The following PLXNA2 variants were observed in gnomAD, a reference collection of about 807,000 sequenced individuals.
The protein encoded by PLXNA2 is plexin-A2.
Under a neutral mutation model 193.5 loss-of-function variants are expected in PLXNA2, and 91 were observed. The observed-to-expected ratio is 0.47, with a 90% confidence interval of 0.40 to 0.56. The LOEUF (loss-of-function observed/expected upper bound fraction) is 0.56, where lower values mean the gene tolerates loss of function less well. Ranked by LOEUF, PLXNA2 falls within the 20% of genes least tolerant of loss-of-function variation. The pLI, the probability that PLXNA2 is intolerant of heterozygous loss-of-function variation, is 0.00. For missense variants in PLXNA2, 1,995 were observed against 2,503.2 expected (o/e 0.80, Z 4.33); for synonymous variants, 997 against 1,027.3 (o/e 0.97, Z 0.56).
At chr1:208,223,687 T>C (rs1671421130) in intron 1 of PLXNA2, among the ~76,000 whole-genome samples, 2 of 152,148 alleles carry the variant, frequency 1.3e-5, no homozygotes, top group Non-Finnish European at 2.9e-5. Context: ...GGCTATGGTG[T>C]CCTCTGCCAC....
chr1:208,080,093 C>T (rs535410448), intron 11 of PLXNA2, among the ~76,000 whole-genome samples: 1 of 152,132 alleles, frequency 6.6e-6, no homozygotes, highest in African/African-American at 2.4e-5. Context: ...AATGGTAGGT[C>T]CTGAGAAGTG....
At chr1:208,063,367 C>A (rs1665678043) in intron 12 of PLXNA2, among the ~76,000 whole-genome samples, 1 of 152,166 alleles carries the variant, frequency 6.6e-6, no homozygotes, top group Non-Finnish European at 1.5e-5. Context: ...GACACATGGT[C>A]GTGGGCACTG....
At chr1:208,050,869 A>C (rs1320292188) in intron 17 of PLXNA2, 140 bp downstream of exon 17, 1 of 645,940 alleles carries the variant, frequency 1.5e-6, no homozygotes, top group Non-Finnish European at 2.8e-6. Context: ...TTGGACCATG[A>C]TTCCAGGCTC....
At chr1:208,225,961 C>T (rs922216578) in intron 1 of PLXNA2, among the ~76,000 whole-genome samples, 1 of 152,218 alleles carries the variant, frequency 6.6e-6, no homozygotes, top group African/African-American at 2.4e-5. Flanking sequence ...CAAACTAATA[C>T]AACAGGGAGG....
rs562991212 is a variant in PLXNA2, at chr1:208,118,115, G to T, written c.1507-14868C>A. Among the ~76,000 whole-genome samples, 30 of 152,336 alleles carry T rather than the reference G, an allele frequency of 2.0e-4. 1 individual carries two copies. The highest frequency in any genetic ancestry group is 3.4e-3 in the Middle Eastern group (1 of 294). On this transcript the variant is annotated intron_variant, in intron 4 of 31. Transcript: ENST00000367033. ...GGGCACGATGATGTTAAGGACTGCT[G>T]TTCCTCACTAGCATATTGTCATGAG...
At chr1:208,167,543 C>T (rs1050721355) in intron 3 of PLXNA2, among the ~76,000 whole-genome samples, 3 of 152,182 alleles carry the variant, frequency 2.0e-5, no homozygotes, top group Admixed American at 1.3e-4. Flanking sequence ...GCAAGGAGCA[C>T]GTCTCCTGAA....
At chr1:208,129,685 C>G (rs571473934) in intron 4 of PLXNA2, among the ~76,000 whole-genome samples, 4 of 152,218 alleles carry the variant, frequency 2.6e-5, no homozygotes, top group Non-Finnish European at 5.9e-5. Flanking sequence ...TCCAGGAAGC[C>G]TTCCTTGACT....
At chr1:208,030,347 C>T in intron 29 of PLXNA2, 2 of 985,608 alleles carry the variant, frequency 2.0e-6, no homozygotes, top group Non-Finnish European at 2.4e-6. Context: ...ACACAGAAGG[C>T]ACAGAGATGC....
chr1:208,209,507 T>C (rs898143276), intron 3 of PLXNA2, among the ~76,000 whole-genome samples: 13 of 152,142 alleles, frequency 8.5e-5, no homozygotes, highest in African/African-American at 3.1e-4. Context: ...GCTGCTCTAA[T>C]CCCACATAAT....
chr1:208,063,911 T>C (rs1445160534), intron 12 of PLXNA2, among the ~76,000 whole-genome samples: 1 of 152,154 alleles, frequency 6.6e-6, no homozygotes, highest in Non-Finnish European at 1.5e-5. Context: ...TCCACAGCCA[T>C]ATATCCAATT....
At chr1:208,060,628 G>A (rs1236841875) in intron 13 of PLXNA2, 58 bp downstream of exon 13, 2 of 1,486,224 alleles carry the variant, frequency 1.3e-6, no homozygotes, top group Non-Finnish European at 1.8e-6. Flanking sequence ...AGAGGGGAGA[G>A]TCTCCAGTCT....
intron 4 of PLXNA2, 118 bp from the exon 5 acceptor site, chr1:208,103,365 C>A: frequency 1.3e-6 from 1 of 745,202 alleles, no homozygotes; most frequent in Non-Finnish European, 2.1e-6. Flanking sequence ...AGAGGTGATA[C>A]TGGGCGGCAA....
intron 1 of PLXNA2, among the ~76,000 whole-genome samples, chr1:208,227,623 T>C (rs1355457527): frequency 6.6e-6 from 1 of 152,334 alleles, no homozygotes; most frequent in South Asian, 2.1e-4. Flanking sequence ...CCTGAGCTGA[T>C]CCTTTATTTT....
intron 29 of PLXNA2, chr1:208,030,585 AGACCCGG>A: frequency 3.0e-6 from 3 of 985,444 alleles, no homozygotes; most frequent in Non-Finnish European, 3.6e-6. Context: ...AGCGACCACA[AGACCCGG>A]GAGGAGGAAG....
intron 3 of PLXNA2, among the ~76,000 whole-genome samples, chr1:208,151,928 T>C (rs1668778538): frequency 6.6e-6 from 1 of 152,180 alleles, no homozygotes; most frequent in Non-Finnish European, 1.5e-5. Context: ...AAGCACTGGG[T>C]GCCTCTGGAG....
chr1:208,071,085 G>A (rs1487893484), intron 12 of PLXNA2, among the ~76,000 whole-genome samples: 1 of 152,196 alleles, frequency 6.6e-6, no homozygotes, highest in African/African-American at 2.4e-5. Context: ...GGCCTGCACA[G>A]CTCTCACCAT....
chr1:208,217,990 C>G lies in PLXNA2; in HGVS notation c.-68G>C. 6.4e-7 allele frequency: 1 copy of G among 1,570,040 alleles called. No homozygotes were observed. The highest frequency in any genetic ancestry group is 8.6e-7 in the Non-Finnish European group (1 of 1,164,906). On this transcript the variant is annotated 5_prime_UTR_variant, in exon 2 of 32. Coordinates refer to ENST00000367033, the MANE Select transcript of PLXNA2 (RefSeq NM_025179.4). This position sits in a 1 kb window ranked among gnomAD's most constrained non-coding sequence, Gnocchi z 4.7. ...CATCTGCTCCACCTTCCCCGGTTGG[C>G]CCTCACATGATTCTGCAAAACACAA...
chr1:208,132,808 T>G (rs1668199315), intron 4 of PLXNA2, among the ~76,000 whole-genome samples: 1 of 152,154 alleles, frequency 6.6e-6, no homozygotes, highest in South Asian at 2.1e-4. Context: ...TTCAGAGTGC[T>G]TTTTATGCAT....
intron 3 of PLXNA2, among the ~76,000 whole-genome samples, chr1:208,163,818 G>A (rs1448196806): frequency 2.0e-5 from 3 of 152,054 alleles, no homozygotes; most frequent in Admixed American, 6.5e-5. Flanking sequence ...TGTTGAGTTT[G>A]GTGTCCCCAG....
Sources: allele counts gnomAD v4.1 joint callset (sites outside exome capture counted in the v4.1 genomes callset), GRCh38; gene constraint gnomAD v4.1.1; non-coding constraint Gnocchi (gnomAD v3.1); transcripts MANE v1.5; gene names NCBI Gene and HGNC (gene_info 2026-07-23, HGNC 2026-07-21).